NEK10: variants seen among roughly 807,000 people sequenced by gnomAD.
NEK10 encodes the protein NIMA related kinase 10, also known as serine/threonine-protein kinase Nek10.
In NEK10, 122 loss-of-function variants were observed where a neutral mutation model predicts 159.8. The ratio of observed to expected loss-of-function variants is 0.76; its 90% CI spans 0.66 to 0.89. The LOEUF (loss-of-function observed/expected upper bound fraction) is 0.89. Ranked by LOEUF, NEK10 falls within the 40% of genes least tolerant of loss-of-function variation. The pLI, the probability that NEK10 is intolerant of heterozygous loss-of-function variation, is 0.00. For synonymous variants in NEK10, 466 were observed against 457.1 expected, an observed-to-expected ratio of 1.02 and a Z score of -0.25; for missense variants, 1,342 against 1,323.1, an observed-to-expected ratio of 1.01 and a Z score of -0.22.
chr3:27,300,445 CCT>C, intron 13 of NEK10, among the ~76,000 whole-genome samples: 1 of 151,942 alleles, frequency 6.6e-6, no homozygotes, highest in Non-Finnish European at 1.5e-5. Context: ...TGTAAATTGC[CCT>C]GTCTTGGGTA....
intron 4 of NEK10, among the ~76,000 whole-genome samples, chr3:27,344,803 T>C (rs1048921331): frequency 6.6e-6 from 1 of 152,166 alleles, no homozygotes; most frequent in Non-Finnish European, 1.5e-5. Context: ...CACTGGCTGA[T>C]CTTGCTATCA....
At chr3:27,365,195 T>A (rs1264147121) in intron 1 of NEK10, among the ~76,000 whole-genome samples, 2 of 152,258 alleles carry the variant, frequency 1.3e-5, no homozygotes, top group Non-Finnish European at 2.9e-5. Flanking sequence ...TTGCAAAATA[T>A]ACTAACTACT....
intron 16 of NEK10, among the ~76,000 whole-genome samples, chr3:27,291,863 C>T (rs1399855938): frequency 3.9e-5 from 6 of 152,180 alleles, no homozygotes; most frequent in African/African-American, 4.8e-5. Context: ...AGGATGGTCT[C>T]GATCTCCTGA....
chr3:27,251,526 C>T (rs774471532), intron 23 of NEK10, among the ~76,000 whole-genome samples: 10 of 152,152 alleles, frequency 6.6e-5, no homozygotes, highest in Non-Finnish European at 1.2e-4. Context: ...ATGTGATATG[C>T]CTGCTCCCCC....
chr3:27,246,460 G>A (rs1388855435), intron 23 of NEK10, among the ~76,000 whole-genome samples: 1 of 151,898 alleles, frequency 6.6e-6, no homozygotes, highest in Non-Finnish European at 1.5e-5. Flanking sequence ...TGTTTATGGG[G>A]TTTATGAGAT....
intron 4 of NEK10, among the ~76,000 whole-genome samples, chr3:27,344,783 C>T (rs557518266): frequency 6.6e-6 from 1 of 152,250 alleles, no homozygotes; most frequent in South Asian, 2.1e-4. Flanking sequence ...TTTCCACATA[C>T]CCTCGACCCC....
chr3:27,287,527 G>A (rs2042706444), intron 20 of NEK10, among the ~76,000 whole-genome samples, 171 bp downstream of exon 20: 1 of 152,082 alleles, frequency 6.6e-6, no homozygotes, highest in Admixed American at 6.5e-5. Context: ...TGACTGACTA[G>A]GTCACTGTTT....
intron 22 of NEK10, among the ~76,000 whole-genome samples, chr3:27,277,238 A>G (rs1000445024): frequency 3.1e-5 from 4 of 129,422 alleles, no homozygotes; most frequent in African/African-American, 1.1e-4. Context: ...AAAGGACAGA[A>G]AGGCCTAGAT....
chr3:27,349,608 C>T, intron 3 of NEK10, among the ~76,000 whole-genome samples: 1 of 152,306 alleles, frequency 6.6e-6, no homozygotes, highest in East Asian at 1.9e-4. Flanking sequence ...TAATTTTCTT[C>T]TTTCTTCCAT....
chr3:27,339,359 AC>A (rs1321098031), intron 5 of NEK10, among the ~76,000 whole-genome samples: 1 of 152,234 alleles, frequency 6.6e-6, no homozygotes, highest in African/African-American at 2.4e-5. Context: ...CAAGAAAAAA[AC>A]AAACAACCCT....
intron 8 of NEK10, chr3:27,311,300 C>T (rs2044678362): frequency 4.1e-6 from 1 of 243,838 alleles, no homozygotes. Flanking sequence ...ACATCATTAC[C>T]AGTTCAAAGT....
intron 20 of NEK10, 89 bp from the exon 21 acceptor site, chr3:27,285,050 T>C (rs528181048): frequency 2.1e-6 from 2 of 972,626 alleles, no homozygotes; most frequent in East Asian, 2.5e-5. Flanking sequence ...AGCTTCCCAG[T>C]GTCTGTGCGG....
At chr3:27,339,790 A>T (rs1446503153) in intron 5 of NEK10, among the ~76,000 whole-genome samples, 1 of 152,056 alleles carries the variant, frequency 6.6e-6, no homozygotes, top group East Asian at 1.9e-4. Flanking sequence ...AAAAAAAAAA[A>T]AAAAAACCCA....
intron 22 of NEK10, among the ~76,000 whole-genome samples, chr3:27,263,983 A>G (rs1230914445): frequency 6.6e-6 from 1 of 152,208 alleles, no homozygotes; most frequent in African/African-American, 2.4e-5. Context: ...TACATGTAGT[A>G]GAGTATTGAA....
intron 23 of NEK10, among the ~76,000 whole-genome samples, chr3:27,216,850 C>A (rs992425551): frequency 1.5e-4 from 23 of 152,152 alleles, no homozygotes; most frequent in African/African-American, 5.3e-4. Flanking sequence ...TGTATTAAAC[C>A]AATAAGTTGG....
At chr3:27,215,851 G>A in intron 23 of NEK10, 1 of 717,270 alleles carries the variant, frequency 1.4e-6, no homozygotes, top group South Asian at 1.5e-5. Flanking sequence ...CAGAGCAGGA[G>A]CAGGAGAGCG....
At chr3:27,153,672 T>C (rs1945116329) in intron 30 of NEK10, among the ~76,000 whole-genome samples, 1 of 152,074 alleles carries the variant, frequency 6.6e-6, no homozygotes, top group Admixed American at 6.6e-5. Flanking sequence ...ACCATGCAAA[T>C]ACATGGAAAT....
intron 23 of NEK10, among the ~76,000 whole-genome samples, chr3:27,211,041 T>C (rs1372357372): frequency 4.6e-5 from 7 of 152,260 alleles, no homozygotes; most frequent in Admixed American, 3.3e-4. Flanking sequence ...CACTGCATTA[T>C]GCAAACCAGG....
At position 27,306,837 on chromosome 3, in the gene NEK10, G is replaced by T. The variant is rs184414288; in HGVS notation, c.803+1022C>A. ...TCTGTTCTAGTTCTCTGGCACTTTT[G>T]TTCTTATGGTCCTGCTGTGCCCAAC... On this transcript the variant is annotated intron_variant, in intron 11 of 35. Transcript: ENST00000691995. Among the ~76,000 whole-genome samples, 176 of 152,242 alleles carry T rather than the reference G, an allele frequency of 1.2e-3. 1 individual carries two copies. The highest frequency in any genetic ancestry group is 2.0e-3 in the Non-Finnish European group (138 of 68,026).
Sources: allele counts gnomAD v4.1 joint callset (sites outside exome capture counted in the v4.1 genomes callset), GRCh38; gene constraint gnomAD v4.1.1; transcripts MANE v1.5; gene names NCBI Gene and HGNC (gene_info 2026-07-23, HGNC 2026-07-21).